Variants in MRTFB observed in about 807,000 individuals in gnomAD.
The protein encoded by MRTFB is myocardin-related transcription factor B.
Under a neutral mutation model 104.2 loss-of-function variants are expected in MRTFB, and 29 were observed. The ratio of observed to expected loss-of-function variants is 0.28; its 90% CI spans 0.21 to 0.38. MRTFB has a LOEUF of 0.38. Among genes scored for constraint, MRTFB ranks in the 10% least tolerant of loss-of-function variants. MRTFB has a pLI of 1.00. For missense variants in MRTFB, 1,270 were observed against 1,341.6 expected, an observed-to-expected ratio of 0.95 and a Z score of 0.83; for synonymous variants, 535 against 519.5, an observed-to-expected ratio of 1.03 and a Z score of -0.41.
intron 8 of MRTFB, among the ~76,000 whole-genome samples, chr16:14,229,284 A>G (rs2042153211): frequency 6.6e-6 from 1 of 152,210 alleles, no homozygotes; most frequent in African/African-American, 2.4e-5. Context: ...TAACAAAGCT[A>G]GAGTTTTACG....
chr16:14,097,681 C>T (rs1213298350), intron 2 of MRTFB, among the ~76,000 whole-genome samples: 1 of 152,198 alleles, frequency 6.6e-6, no homozygotes, highest in Non-Finnish European at 1.5e-5. Context: ...GGATGATGAA[C>T]ATATCCATCA....
chr16:14,208,323 A>T (rs944632721), intron 3 of MRTFB, among the ~76,000 whole-genome samples: 3 of 152,192 alleles, frequency 2.0e-5, no homozygotes, highest in Non-Finnish European at 4.4e-5. Context: ...TTGCAGATGT[A>T]TGCATCATTC....
At chr16:14,134,385 T>C (rs186476571) in intron 2 of MRTFB, among the ~76,000 whole-genome samples, 27 of 152,376 alleles carry the variant, frequency 1.8e-4, no homozygotes, top group Admixed American at 1.6e-3. Flanking sequence ...AAAGATGTCC[T>C]GTTTATATGT....
At position 14,177,147 on chromosome 16, in the gene MRTFB, A is replaced by G. The variant is rs935666385; in HGVS notation, c.155-33096A>G. ...GCTGAAGCATAGGGAACATGTAGGGAGTTAATAACGCCGGTCAGGAAGGTG... is the reference window on the plus strand; with the variant it reads ...GCTGAAGCATAGGGAACATGTAGGGGGTTAATAACGCCGGTCAGGAAGGTG... On this transcript the variant is annotated intron_variant, in intron 3 of 16. Transcript: ENST00000571589. This position sits in a 1 kb window ranked among gnomAD's most constrained non-coding sequence, Gnocchi z 4.7. Among the ~76,000 whole-genome samples the G allele has an allele frequency of 6.6e-6, 1 of 152,244 alleles. No homozygotes were observed. Among genetic ancestry groups the G allele is most frequent in the Admixed American group, 6.5e-5 (1 of 15,286 alleles).
intron 10 of MRTFB, 45 bp downstream of exon 10, chr16:14,240,529 T>G: frequency 1.2e-6 from 2 of 1,614,038 alleles, no homozygotes; most frequent in Non-Finnish European, 1.7e-6. Flanking sequence ...TTTTCTGTGG[T>G]TTTTTATGAG....
chr16:14,129,164 T>G (rs1407424483), intron 2 of MRTFB, among the ~76,000 whole-genome samples: 1 of 152,246 alleles, frequency 6.6e-6, no homozygotes, highest in Non-Finnish European at 1.5e-5. Flanking sequence ...TCCATTTAGG[T>G]CATTTGGGTA....
intron 2 of MRTFB, among the ~76,000 whole-genome samples, chr16:14,093,270 A>T (rs1212678270): frequency 6.6e-6 from 1 of 151,934 alleles, no homozygotes; most frequent in Non-Finnish European, 1.5e-5. Flanking sequence ...AAATTAAAGC[A>T]TAAATACAAT....
At chr16:14,066,768 T>C (rs1168638241), upstream of MRTFB, among the ~76,000 whole-genome samples, 1 of 151,268 alleles carries the variant, frequency 6.6e-6, no homozygotes, top group African/African-American at 2.4e-5. Flanking sequence ...CAACTCCCTC[T>C]CCCTCCCACC....
the MRTFB span, among the ~76,000 whole-genome samples, chr16:14,012,821 T>C: frequency 6.6e-6 from 1 of 152,148 alleles, no homozygotes; most frequent in Non-Finnish European, 1.5e-5. Context: ...TAAAATGTCA[T>C]GGCCCTGGAG....
intron 8 of MRTFB, among the ~76,000 whole-genome samples, chr16:14,221,931 G>A (rs561715053): frequency 3.3e-5 from 5 of 151,922 alleles, no homozygotes; most frequent in South Asian, 2.1e-4. Flanking sequence ...ACAGGCACCC[G>A]CCATCATGCC....
chr16:14,155,144 CTTGT>C (rs1176151274), intron 3 of MRTFB, among the ~76,000 whole-genome samples: 2 of 151,934 alleles, frequency 1.3e-5, no homozygotes, highest in South Asian at 2.1e-4. Context: ...CTTGTCTTAC[CTTGT>C]TTAATTTTTT....
chr16:14,068,963 C>CTTTTTTTTT (rs989515330), upstream of MRTFB, among the ~76,000 whole-genome samples: 10 of 100,174 alleles, frequency 1.0e-4, no homozygotes, highest in African/African-American at 4.2e-4. Context: ...GATTCTCCAG[C>CTTTTTTTTT]TTTTTTTTTT....
At chr16:14,002,705 A>G in the MRTFB span, among the ~76,000 whole-genome samples, 1 of 152,194 alleles carries the variant, frequency 6.6e-6, no homozygotes, top group Non-Finnish European at 1.5e-5. Flanking sequence ...GGAGAGATGG[A>G]AAAGAAGCGG....
chr16:14,047,179 TATCAG>T, the MRTFB span, among the ~76,000 whole-genome samples: 2 of 152,200 alleles, frequency 1.3e-5, no homozygotes, highest in Non-Finnish European at 2.9e-5. Context: ...TGGCTGCAAG[TATCAG>T]GCAACCTCAC....
intron 8 of MRTFB, among the ~76,000 whole-genome samples, chr16:14,225,193 A>G (rs2041944338): frequency 6.6e-6 from 1 of 152,224 alleles, no homozygotes; most frequent in Admixed American, 6.5e-5. Context: ...ATCTAAAAAG[A>G]AAAAAGAAAA....
chr16:14,037,291 A>G, the MRTFB span, among the ~76,000 whole-genome samples: 1 of 152,244 alleles, frequency 6.6e-6, no homozygotes, highest in Admixed American at 6.5e-5. Flanking sequence ...GCTGGCGCTC[A>G]ATAGATGGTA....
At chr16:14,026,558 C>T in the MRTFB span, among the ~76,000 whole-genome samples, 3 of 152,048 alleles carry the variant, frequency 2.0e-5, no homozygotes, top group Non-Finnish European at 4.4e-5. Flanking sequence ...TGGACTTTAT[C>T]AAAACTTAGA....
intron 3 of MRTFB, among the ~76,000 whole-genome samples, chr16:14,189,329 T>C (rs1340307302): frequency 1.3e-5 from 2 of 152,198 alleles, no homozygotes. Context: ...CTCATCAGAT[T>C]TGTAGAATTT....
intron 8 of MRTFB, among the ~76,000 whole-genome samples, chr16:14,222,572 GT>G (rs55658275): frequency 2.0e-5 from 3 of 148,188 alleles, no homozygotes; most frequent in African/African-American, 7.4e-5. Context: ...CCCTGTTTAG[GT>G]TTTTTTTTTT....
Sources: gnomAD v4.1 joint callset for allele counts (sites outside exome capture counted in the v4.1 genomes callset) on GRCh38, gnomAD v4.1.1 for gene constraint, Gnocchi (gnomAD v3.1) non-coding constraint, MANE v1.5 for transcripts, NCBI Gene and HGNC (gene_info 2026-07-23, HGNC 2026-07-21) for gene names.